Variants in TRPM1 observed in about 807,000 individuals in gnomAD.
The protein encoded by TRPM1 is TRPM1-203 APA Isoform, Intron 10.
A neutral mutation model predicts 149.4 loss-of-function variants in TRPM1; 113 were observed. The ratio of observed to expected loss-of-function variants is 0.76; its 90% CI spans 0.65 to 0.88. The LOEUF is 0.88. Ranked by LOEUF, TRPM1 falls within the 40% of genes least tolerant of loss-of-function variation. TRPM1 has a pLI of 0.00. For missense variants in TRPM1, 1,976 were observed against 2,038.7 expected (o/e 0.97, Z 0.59); for synonymous variants, 741 against 759.5 (o/e 0.98, Z 0.40).
intron 1 of TRPM1, among the ~76,000 whole-genome samples, chr15:31,133,391 A>AACTCCGTATCT (rs1372448806): frequency 6.7e-6 from 1 of 148,170 alleles, no homozygotes; most frequent in African/African-American, 2.5e-5. Flanking sequence ...CACATGGTGA[A>AACTCCGTATCT]ACTCCGTCTC....
At chr15:31,047,022 G>A in intron 15 of TRPM1, 89 bp downstream of exon 15, 1 of 1,571,914 alleles carries the variant, frequency 6.4e-7, no homozygotes, top group Non-Finnish European at 8.8e-7. Context: ...GAAGGGCTTG[G>A]CTCTGAACCG....
rs371628396 is a variant in TRPM1, at chr15:31,032,729, T to C, written c.2912A>G (p.Asn971Ser). The C allele has an allele frequency of 2.2e-5, 35 of 1,614,200 alleles. No homozygotes were observed. In the African/African-American group the frequency reaches 4.4e-4, roughly 20 times the overall value. ...CATCACGTATGGCCCCAGATACTTGTTGACACCAAAGATGTCCAGGACACG... is the reference window on the plus strand; with the variant it reads ...CATCACGTATGGCCCCAGATACTTGCTGACACCAAAGATGTCCAGGACACG... ...YIRVLDIFGV[N>S]KYLGPYVMMI... Residue 971 changes from asparagine to serine, a missense_variant, in exon 22 of 28, where the codon AAC (asparagine) becomes AGC (serine). This residue lies in a region of TRPM1 where 1,332 missense variants were observed against 1,347.1 expected (regional missense o/e 0.99). Coordinates refer to ENST00000256552, the MANE Select transcript of TRPM1 (RefSeq NM_001252024.2).
At chr15:31,074,497 C>A (rs979498682) in intron 3 of TRPM1, among the ~76,000 whole-genome samples, 2 of 151,966 alleles carry the variant, frequency 1.3e-5, no homozygotes, top group Non-Finnish European at 2.9e-5. Context: ...TCATAGTATT[C>A]TTTCATACTC....
In TRPM1 at chr15:31,119,313, A is replaced by G. The variant is rs147592472; in HGVS notation, c.54+41593T>C. On this transcript the variant is annotated intron_variant, in intron 1 of 26. Transcript: ENST00000542188. ...GAACAAGGGTAAAACCTATATCAGC[A>G]TTCTTGTCAGAAACCATTAAGGCAA... 1.7e-3 allele frequency among the ~76,000 whole-genome samples: 261 copies of G among 152,252 alleles called. 1 individual carries two copies. Among genetic ancestry groups the G allele is most frequent in the African/African-American group, 5.5e-3 (229 of 41,586 alleles).
chr15:31,077,102 A>G, intron 2 of TRPM1, 118 bp from the exon 3 acceptor site: 1 of 716,600 alleles, frequency 1.4e-6, no homozygotes, highest in Non-Finnish European at 2.5e-6. Context: ...AGTCATCTGC[A>G]ATAATGGTGG....
intron 1 of TRPM1, among the ~76,000 whole-genome samples, chr15:31,088,763 T>TC (rs1240576793): frequency 4.1e-5 from 6 of 144,792 alleles, no homozygotes; most frequent in African/African-American, 1.5e-4. Context: ...GTGGGAACGT[T>TC]CCCAACCATG....
In TRPM1 at chr15:31,101,663, C is replaced by T; in HGVS notation, c.-90G>A. 1.0e-6 allele frequency: 1 copy of T among 985,814 alleles called. No individual in the cohort carries two copies. The highest frequency in any genetic ancestry group is 1.2e-6 in the Non-Finnish European group (1 of 830,174). 61.1% of individuals were successfully genotyped at this position (985,814 alleles called of 1,614,324 possible). ...TACCCGCATCTGAGCTTACCTGCCA[C>T]AGCAGTGGAATGGAGAGGGCACAGC... On this transcript the variant is annotated 5_prime_UTR_variant, in exon 1 of 28. It adds an upstream start codon to the 5' untranslated region. Coordinates refer to ENST00000256552, the MANE Select transcript of TRPM1 (RefSeq NM_001252024.2).
rs71471861 is a variant in TRPM1 at position 31,071,980 on chromosome 15, CATATATATATATAT to C, written c.84-1768_84-1755del. 2.6e-3 allele frequency among the ~76,000 whole-genome samples: 197 copies of C among 77,252 alleles called. 5 individuals are homozygous for C. The highest frequency in any genetic ancestry group is 9.7e-3 in the African/African-American group (152 of 15,734). 50.7% of individuals were successfully genotyped at this position (77,252 alleles called of 152,430 possible). A position where few individuals can be genotyped will look rare whatever the true frequency, so the allele number is the denominator to read the frequency against. ...CTCCGTCTCAAAAAAAAAAAAAAAA[CATATATATATATAT>C]ATATATATATATATATATATATATA... is the stretch of plus-strand genomic sequence containing the variant. On this transcript the variant is annotated intron_variant, in intron 3 of 27. Transcript: ENST00000256552.
chr15:31,109,405 A>G (rs1262425107), intron 1 of TRPM1, among the ~76,000 whole-genome samples: 1 of 149,680 alleles, frequency 6.7e-6, no homozygotes, highest in East Asian at 2.0e-4. Context: ...AAGAAAAAAT[A>G]GAAAGAAGAG....
At chr15:31,079,877 TAAG>T (rs1185692006) in intron 2 of TRPM1, among the ~76,000 whole-genome samples, 4 of 152,246 alleles carry the variant, frequency 2.6e-5, no homozygotes, top group East Asian at 1.9e-4. Context: ...CGGGGAAGTA[TAAG>T]AAGAGCCTGG....
In TRPM1 at chr15:31,049,451, A is replaced by G; in HGVS notation, c.1496T>C (p.Val499Ala). ...DALVLDRVDF[V>A]KLLIENGVNM... The stretch of plus-strand genomic sequence containing the variant: ...CACTCCGTTTTCAATCAGGAGCTTC[A>G]CAAAGTCGACACGATCTAAGACTAA... Residue 499 changes from valine (V) to alanine (A), a missense_variant, in exon 13 of 28, where the codon GTG (valine) becomes GCG (alanine). This residue lies in a region of TRPM1 where 1,332 missense variants were observed against 1,347.1 expected (regional missense o/e 0.99). Transcript: ENST00000256552. 1 of 1,614,204 alleles carries G rather than the reference A, an allele frequency of 6.2e-7. No individual in the cohort carries two copies. Among genetic ancestry groups the G allele is most frequent in the Non-Finnish European group, 8.5e-7 (1 of 1,180,046 alleles).
intron 1 of TRPM1, among the ~76,000 whole-genome samples, chr15:31,138,001 C>T (rs1042089870): frequency 2.0e-5 from 3 of 152,162 alleles, no homozygotes; most frequent in Non-Finnish European, 2.9e-5. Context: ...TGTGTGGGAA[C>T]TGGGGAAGCC....
In TRPM1 at chr15:31,032,847, A is replaced by C; in HGVS notation, c.2794T>G (p.Phe932Val). The stretch of plus-strand genomic sequence containing the variant: ...AGGCGAAGAATTGCTCCAATCATGA[A>C]TGTGGAAATGGCCACGAGATCTGTG... ...NITDLVAIST[F>V]MIGAILRLQN... is the part of the protein sequence containing the mutation. Residue 932 changes from phenylalanine to valine, a missense_variant, in exon 22 of 28, where the codon TTC becomes GTC. Around this residue, in one of 3 missense-constraint regions of TRPM1, gnomAD observed 1,332 missense variants for 1,347.1 expected, o/e 0.99. Coordinates refer to ENST00000256552, the MANE Select transcript of TRPM1 (RefSeq NM_001252024.2). 6.2e-7 allele frequency: 1 copy of C among 1,614,248 alleles called. No homozygotes were observed. The highest frequency in any genetic ancestry group is 8.5e-7 in the Non-Finnish European group (1 of 1,180,040).
chr15:31,076,904 C>T lies in TRPM1; in HGVS notation c.83+1G>A, dbSNP rs747553429. On this transcript the variant is annotated splice_donor_variant, in intron 3 of 27. Coordinates refer to ENST00000256552, the MANE Select transcript of TRPM1 (RefSeq NM_001252024.2). LOFTEE classifies it high-confidence loss of function. ...TGTCTTAATCGTGGATTTCAATTTA[C>T]CTGTTAGAGTCTTTCATGCTAGGAA... is the stretch of plus-strand genomic sequence containing the variant. 1.3e-6 allele frequency: 2 copies of T among 1,595,014 alleles called. No homozygotes were observed. Among genetic ancestry groups the T allele is most frequent in the Admixed American group, 3.3e-5 (2 of 59,992 alleles).
chr15:31,086,094 A>T (rs1246577040), intron 1 of TRPM1, among the ~76,000 whole-genome samples: 1 of 152,192 alleles, frequency 6.6e-6, no homozygotes. Flanking sequence ...CTACCTTCAC[A>T]GTGGTCATAA....
At chr15:31,033,027 C>G in intron 21 of TRPM1, 87 bp from the exon 22 acceptor site, 1 of 1,575,028 alleles carries the variant, frequency 6.3e-7, no homozygotes, top group Non-Finnish European at 8.7e-7. Flanking sequence ...ACTGATGGAA[C>G]ATTCCAGGTC....
chr15:31,066,266 CA>C lies in TRPM1; in HGVS notation c.619-20del, dbSNP rs765466754. The C allele has an allele frequency of 1.4e-4, 228 of 1,613,960 alleles. No individual in the cohort carries two copies. Among genetic ancestry groups the C allele is most frequent in the Non-Finnish European group, 1.9e-4 (222 of 1,180,004 alleles). ...TTGTTACCTGACAAAGTGCACAGCG[CA>C]AATCAGACCTGCAGGACTTGGATGT... On this transcript the variant is annotated intron_variant, in intron 6 of 27. Transcript: ENST00000256552.
At chr15:31,078,040 T>C (rs1480939271) in intron 2 of TRPM1, among the ~76,000 whole-genome samples, 2 of 152,106 alleles carry the variant, frequency 1.3e-5, no homozygotes, top group Non-Finnish European at 2.9e-5. Context: ...GTAGAACGCT[T>C]AGCATGTGAC....
At chr15:31,116,962 G>A (rs769249440) in intron 1 of TRPM1, among the ~76,000 whole-genome samples, 14 of 152,230 alleles carry the variant, frequency 9.2e-5, no homozygotes, top group South Asian at 2.1e-4. Context: ...AAAAGGCAGT[G>A]TGAAGAGAGA....
Sources: gnomAD v4.1 joint callset for allele counts (sites outside exome capture counted in the v4.1 genomes callset) on GRCh38, gnomAD v4.1.1 for gene constraint, gnomAD v4.1.1 regional missense constraint, MANE v1.5 for transcripts, NCBI Gene and HGNC (gene_info 2026-07-23, HGNC 2026-07-21) for gene names.